IKZF2: variants seen among roughly 807,000 people sequenced by gnomAD.
The protein encoded by IKZF2 is zinc finger protein Helios.
IKZF2 carries 15 observed loss-of-function variants against 49.2 expected under a neutral mutation model. That is an observed-to-expected ratio of 0.30 (90% confidence interval 0.20 to 0.47). IKZF2 has a LOEUF of 0.47. Ranked by LOEUF, IKZF2 falls within the 20% of genes least tolerant of loss-of-function variation. The pLI, the probability that IKZF2 is intolerant of heterozygous loss-of-function variation, is 1.00. For synonymous variants in IKZF2, 227 were observed against 221.4 expected (o/e 1.03, Z -0.23); for missense variants, 567 against 664.6 (o/e 0.85, Z 1.61).
intron 7 of IKZF2, among the ~76,000 whole-genome samples, chr2:213,015,831 G>A (rs1030902710): frequency 1.2e-4 from 18 of 152,024 alleles, no homozygotes; most frequent in African/African-American, 4.1e-4. Flanking sequence ...ACTGGTTAAC[G>A]GGTTTGCCCC....
chr2:213,033,077 C>G (rs182699098), intron 6 of IKZF2, among the ~76,000 whole-genome samples: 1 of 141,912 alleles, frequency 7.0e-6, no homozygotes, highest in East Asian at 2.0e-4. Context: ...CAACAATATT[C>G]ACAGGATCTA....
rs375523814 is a variant in IKZF2, at chr2:213,069,584, T to C, written c.140-12485A>G. Among the ~76,000 whole-genome samples the C allele has an allele frequency of 3.3e-5, 5 of 152,140 alleles. No individual in the cohort carries two copies. In the East Asian group the frequency reaches 5.8e-4, roughly 18 times the overall value. ...CTTTAAATCTTTTTCCTCTAACTAC[T>C]GTAGTATTCTAGAAATAATGACACA... On this transcript the variant is annotated intron_variant, in intron 4 of 8. Transcript: ENST00000434687.
intron 4 of IKZF2, among the ~76,000 whole-genome samples, chr2:213,070,042 G>A (rs1702538669): frequency 6.6e-6 from 1 of 151,920 alleles, no homozygotes; most frequent in African/African-American, 2.4e-5. Flanking sequence ...TGCATTTTGA[G>A]ATTAAGTTTA....
At chr2:213,051,935 C>G (rs1700714276) in intron 5 of IKZF2, among the ~76,000 whole-genome samples, 1 of 151,922 alleles carries the variant, frequency 6.6e-6, no homozygotes, top group South Asian at 2.1e-4. Flanking sequence ...CTATAGCATG[C>G]TGACTCCAAT....
chr2:213,056,603 C>A, intron 5 of IKZF2: 2 of 654,492 alleles, frequency 3.1e-6, no homozygotes, highest in South Asian at 1.7e-5. Flanking sequence ...ATATTAAGAA[C>A]TGTGGAAACT....
chr2:213,103,063 G>T (rs1706898664), intron 4 of IKZF2, among the ~76,000 whole-genome samples: 1 of 152,158 alleles, frequency 6.6e-6, no homozygotes, highest in Non-Finnish European at 1.5e-5. Context: ...TTACTCACAT[G>T]TTCTAAATAC....
intron 4 of IKZF2, among the ~76,000 whole-genome samples, chr2:213,129,756 G>A (rs1559312425): frequency 6.6e-6 from 1 of 152,094 alleles, no homozygotes; most frequent in South Asian, 2.1e-4. Flanking sequence ...TTAAACTGTT[G>A]CAATATTTTA....
chr2:213,029,875 T>A (rs1269539711), intron 6 of IKZF2, among the ~76,000 whole-genome samples: 1 of 149,438 alleles, frequency 6.7e-6, no homozygotes, highest in Non-Finnish European at 1.5e-5. Flanking sequence ...ACCAAGAAAG[T>A]TTGGGAAACA....
rs1449962997 is a variant in IKZF2, at chr2:213,007,293, T to C, written c.*67A>G. 4.0e-6 allele frequency: 6 copies of C among 1,486,408 alleles called. No homozygotes were observed. In the African/African-American group the frequency reaches 8.5e-5, roughly 21 times the overall value. 92.1% of individuals were successfully genotyped at this position (1,486,408 alleles called of 1,614,324 possible). A position where few individuals can be genotyped will look rare whatever the true frequency, so the allele number is the denominator to read the frequency against. On this transcript the variant is annotated 3_prime_UTR_variant, in exon 9 of 9. Transcript: ENST00000434687. ...GTCAACATTTGAGGAAAGGTGGGAT[T>C]GTAAGTGCAGTATTTCTTCATGTGC...
chr2:213,046,670 G>T (rs1453748859), intron 6 of IKZF2, among the ~76,000 whole-genome samples: 1 of 152,142 alleles, frequency 6.6e-6, no homozygotes, highest in Non-Finnish European at 1.5e-5. Context: ...AAAATTGGAC[G>T]ACTGGTGACA....
intron 6 of IKZF2, among the ~76,000 whole-genome samples, chr2:213,025,556 G>T (rs148931576): frequency 1.6e-4 from 25 of 152,214 alleles, no homozygotes; most frequent in African/African-American, 5.8e-4. Context: ...CATGAGGAGA[G>T]AGATCTTGTT....
At chr2:213,039,533 A>G (rs543219434) in intron 6 of IKZF2, among the ~76,000 whole-genome samples, 4 of 152,266 alleles carry the variant, frequency 2.6e-5, no homozygotes, top group Non-Finnish European at 4.4e-5. Context: ...TGAGTAGGTC[A>G]CAAAGTAGTG....
At chr2:213,112,402 T>C (rs1334669581) in intron 4 of IKZF2, among the ~76,000 whole-genome samples, 1 of 139,822 alleles carries the variant, frequency 7.2e-6, no homozygotes, top group Non-Finnish European at 1.6e-5. Flanking sequence ...TCTAAATACA[T>C]ATTAATGTTT....
At chr2:213,103,329 C>A (rs950620874) in intron 4 of IKZF2, among the ~76,000 whole-genome samples, 1 of 152,040 alleles carries the variant, frequency 6.6e-6, no homozygotes, top group African/African-American at 2.4e-5. Flanking sequence ...AGACTGTCTT[C>A]AAAGCTTGGA....
chr2:213,046,339 C>G (rs2125307401), intron 6 of IKZF2, among the ~76,000 whole-genome samples: 1 of 152,274 alleles, frequency 6.6e-6, no homozygotes, highest in South Asian at 2.1e-4. Context: ...TCAGAGGTCC[C>G]TAATACCTGC....
At chr2:213,061,080 C>A (rs187288582) in intron 4 of IKZF2, among the ~76,000 whole-genome samples, 20 of 151,586 alleles carry the variant, frequency 1.3e-4, no homozygotes, top group African/African-American at 4.8e-4. Context: ...CATAAAAACA[C>A]CTAGTTTAAG....
chr2:213,021,939 G>A, intron 7 of IKZF2, 54 bp downstream of exon 7: 1 of 1,103,734 alleles, frequency 9.1e-7, no homozygotes, highest in Non-Finnish European at 1.3e-6. Flanking sequence ...TCTTCATGTT[G>A]AACTACAAAA....
At chr2:213,077,771 G>C (rs1191556263) in intron 4 of IKZF2, among the ~76,000 whole-genome samples, 1 of 151,770 alleles carries the variant, frequency 6.6e-6, no homozygotes, top group African/African-American at 2.4e-5. Flanking sequence ...TGTATTTTTA[G>C]TAGAGACGGG....
chr2:213,013,322 G>A (rs941393745), intron 8 of IKZF2, among the ~76,000 whole-genome samples: 4 of 151,596 alleles, frequency 2.6e-5, no homozygotes, highest in Non-Finnish European at 2.9e-5. Context: ...AGACCTTGGC[G>A]ATGACCTTGA....
Sources: gnomAD v4.1 joint callset for allele counts (sites outside exome capture counted in the v4.1 genomes callset) on GRCh38, gnomAD v4.1.1 for gene constraint, MANE v1.5 for transcripts, NCBI Gene and HGNC (gene_info 2026-07-23, HGNC 2026-07-21) for gene names.